Variants in CAMK1D observed in about 807,000 individuals in gnomAD.
CAMK1D encodes calcium/calmodulin dependent protein kinase ID, also known as calcium/calmodulin-dependent protein kinase type 1D.
Under a neutral mutation model 47.7 loss-of-function variants are expected in CAMK1D, and 9 were observed. The observed-to-expected ratio is 0.19, with a 90% CI of 0.11 to 0.33. CAMK1D has a LOEUF of 0.33. Among genes scored for constraint, CAMK1D ranks in the 10% least tolerant of loss-of-function variants. CAMK1D has a pLI of 1.00. For synonymous variants in CAMK1D, 184 were observed against 184.9 expected, an observed-to-expected ratio of 0.99 and a Z score of 0.04; for missense variants, 291 against 488.7, an observed-to-expected ratio of 0.60 and a Z score of 3.81.
At chr10:12,708,100 T>G (rs1003417452) in intron 3 of CAMK1D, among the ~76,000 whole-genome samples, 1 of 152,212 alleles carries the variant, frequency 6.6e-6, no homozygotes, top group African/African-American at 2.4e-5. Context: ...AGAATACATT[T>G]CTACAACACA....
chr10:12,691,403 AAATATATATATATATATATTTTTTTTTT>A (rs2130667526), intron 3 of CAMK1D, among the ~76,000 whole-genome samples: 2 of 7,098 alleles, frequency 2.8e-4, no homozygotes, highest in African/African-American at 5.2e-4. Context: ...ATATATATAT[AAATATATATATATATATATTTTTTTTTT>A]TTTTTTTTTT....
chr10:12,513,953 C>T (rs919730753), intron 1 of CAMK1D, among the ~76,000 whole-genome samples: 17 of 152,302 alleles, frequency 1.1e-4, no homozygotes, highest in South Asian at 8.3e-4. Context: ...TCACTTCAAA[C>T]ATTTATGCCT....
rs1465311009 is a variant in CAMK1D, at chr10:12,694,089, TA to T, written c.299+27280del. Among the ~76,000 whole-genome samples the T allele has an allele frequency of 7.0e-4, 12 of 17,248 alleles. 2 individuals are homozygous for T. Among genetic ancestry groups the T allele is most frequent in the African/African-American group, 2.6e-3 (12 of 4,616 alleles). 11.3% of individuals were successfully genotyped at this position (17,248 alleles called of 152,430 possible). On this transcript the variant is annotated intron_variant, in intron 3 of 10. Transcript: ENST00000619168. ...AATATATAAAAAATATTATGTATAA[TA>T]TATATTATATAATATATAATATATA...
intron 1 of CAMK1D, among the ~76,000 whole-genome samples, chr10:12,496,916 T>C (rs1477596724): frequency 1.3e-5 from 2 of 152,012 alleles, no homozygotes; most frequent in Non-Finnish European, 2.9e-5. Context: ...CAGGCACCAG[T>C]GTGTGGTGTT....
intron 2 of CAMK1D, 40 bp from the exon 3 acceptor site, chr10:12,666,691 TATCTA>T (rs1168920954): frequency 6.9e-7 from 1 of 1,448,002 alleles, no homozygotes; most frequent in East Asian, 2.3e-5. Flanking sequence ...AACATTTTCC[TATCTA>T]ATCATACTCA....
Position 12,829,403 on chromosome 10 carries a change from C to T in CAMK1D, c.*516C>T, listed in dbSNP as rs184684398. ...GTTAACCTTTAAGAGATTTGTTTTTCCTCAAAGGAGAATTTAAAGGTATTT... is the reference window on the plus strand; with the variant it reads ...GTTAACCTTTAAGAGATTTGTTTTTTCTCAAAGGAGAATTTAAAGGTATTT... On this transcript the variant is annotated 3_prime_UTR_variant, in exon 11 of 11. Transcript: ENST00000619168. 1 of 152,592 alleles carries T rather than the reference C, an allele frequency of 6.6e-6. No individual in the cohort carries two copies. The highest frequency in any genetic ancestry group is 6.5e-5 in the Admixed American group (1 of 15,292). The allele number at this position is 152,592 out of a possible 1,614,324, so 9.5% of individuals were successfully genotyped here.
At chr10:12,534,265 A>G (rs1047253505) in intron 1 of CAMK1D, among the ~76,000 whole-genome samples, 1 of 152,190 alleles carries the variant, frequency 6.6e-6, no homozygotes, top group Non-Finnish European at 1.5e-5. Flanking sequence ...GTTGGAGTGC[A>G]GTGGCGCAAT....
intron 1 of CAMK1D, among the ~76,000 whole-genome samples, chr10:12,516,582 T>A (rs1364398762): frequency 6.6e-6 from 1 of 152,248 alleles, no homozygotes; most frequent in African/African-American, 2.4e-5. Context: ...CCAAAGCATC[T>A]ATGCCATTTT....
chr10:12,602,091 C>T (rs1339687202), intron 2 of CAMK1D, among the ~76,000 whole-genome samples: 4 of 152,224 alleles, frequency 2.6e-5, no homozygotes, highest in East Asian at 1.9e-4. Context: ...TGTTTGCCTT[C>T]CTCATACTCC....
In CAMK1D at chr10:12,829,092, G is replaced by A. The variant is rs959314799; in HGVS notation, c.*205G>A. ...CACAAACTGTACTGACTCGAGGGGCGCTGATTTCATAGGATCTGGTGCTGT... is the reference window on the plus strand; with the variant it reads ...CACAAACTGTACTGACTCGAGGGGCACTGATTTCATAGGATCTGGTGCTGT... On this transcript the variant is annotated 3_prime_UTR_variant, in exon 11 of 11. Transcript: ENST00000619168. 21 of 520,510 alleles carry A rather than the reference G, an allele frequency of 4.0e-5. No homozygotes were observed. The highest frequency in any genetic ancestry group is 1.2e-4 in the South Asian group (5 of 40,508). The allele number at this position is 520,510 out of a possible 1,614,324, so 32.2% of individuals were successfully genotyped here.
At chr10:12,561,929 T>C (rs1026863004) in intron 2 of CAMK1D, among the ~76,000 whole-genome samples, 1 of 152,178 alleles carries the variant, frequency 6.6e-6, no homozygotes, top group Non-Finnish European at 1.5e-5. Flanking sequence ...AGTAGGCATG[T>C]TGGTTTATCT....
rs531826776 is a variant in CAMK1D at position 12,789,984 on chromosome 10, G to A, written c.566-1174G>A. ...ATAGTGAGTGCCAGCTATGCCAGAC[G>A]CTGCTGGTCGCCAGAGTGGGTGGGT... On this transcript the variant is annotated intron_variant, in intron 5 of 10. Coordinates refer to ENST00000619168, the MANE Select transcript of CAMK1D (RefSeq NM_153498.4). 6.6e-5 allele frequency among the ~76,000 whole-genome samples: 10 copies of A among 152,340 alleles called. No individual in the cohort carries two copies. In the South Asian group the frequency reaches 1.4e-3, roughly 22 times the overall value.
intron 2 of CAMK1D, among the ~76,000 whole-genome samples, chr10:12,653,816 T>C (rs1384900565): frequency 1.3e-5 from 2 of 152,224 alleles, no homozygotes; most frequent in Admixed American, 1.3e-4. Context: ...TTTAGTGCAA[T>C]GCCTAGGATC....
intron 1 of CAMK1D, among the ~76,000 whole-genome samples, chr10:12,378,721 T>C (rs1194667100): frequency 6.6e-6 from 1 of 152,076 alleles, no homozygotes; most frequent in Non-Finnish European, 1.5e-5. Flanking sequence ...AGAAAGTTTA[T>C]TGAGCACTAG....
chr10:12,794,469 A>G (rs1440488174), intron 6 of CAMK1D, among the ~76,000 whole-genome samples: 1 of 152,178 alleles, frequency 6.6e-6, no homozygotes, highest in African/African-American at 2.4e-5. Flanking sequence ...AGATCCTGGC[A>G]CGTACTTCTG....
At chr10:12,372,373 G>C (rs1219085493) in intron 1 of CAMK1D, among the ~76,000 whole-genome samples, 1 of 152,182 alleles carries the variant, frequency 6.6e-6, no homozygotes, top group Admixed American at 6.5e-5. Context: ...CTTGGCCAAG[G>C]TCACATAGAC....
chr10:12,596,552 C>T (rs187828868), intron 2 of CAMK1D, among the ~76,000 whole-genome samples: 43 of 152,254 alleles, frequency 2.8e-4, no homozygotes, highest in African/African-American at 9.9e-4. Context: ...TTTAACACTC[C>T]AAATCTCTTA....
At chr10:12,622,992 A>G (rs186845205) in intron 2 of CAMK1D, among the ~76,000 whole-genome samples, 702 of 147,868 alleles carry the variant, frequency 4.7e-3, no homozygotes, top group Non-Finnish European at 8.3e-3. Flanking sequence ...CCTCCCTCCA[A>G]TCGTCCGTCC....
chr10:12,806,517 G>A (rs981940215), intron 6 of CAMK1D, among the ~76,000 whole-genome samples: 6 of 152,154 alleles, frequency 3.9e-5, no homozygotes, highest in African/African-American at 9.7e-5. Context: ...GCTCCATAGC[G>A]TCCAGCCTCT....
Sources: gnomAD v4.1 joint callset for allele counts (sites outside exome capture counted in the v4.1 genomes callset) on GRCh38, gnomAD v4.1.1 for gene constraint, MANE v1.5 for transcripts, NCBI Gene and HGNC (gene_info 2026-07-23, HGNC 2026-07-21) for gene names.